Variants in CABCOCO1 observed in about 807,000 individuals in gnomAD.
The protein encoded by CABCOCO1 is ciliary associated calcium binding coiled-coil 1, also known as ciliary-associated calcium-binding coiled-coil protein 1.
A neutral mutation model predicts 35.7 loss-of-function variants in CABCOCO1; 28 were observed. The ratio of observed to expected loss-of-function variants is 0.78; its 90% confidence interval spans 0.58 to 1.07. CABCOCO1 has a LOEUF of 1.07. CABCOCO1 is among the 50% of genes least tolerant of loss of function. CABCOCO1 has a pLI of 0.00. For synonymous variants in CABCOCO1, 95 were observed against 100.1 expected (o/e 0.95, Z 0.30); for missense variants, 326 against 309.2 (o/e 1.05, Z -0.41).
chr10:61,720,343 C>T (rs1011117281), intron 5 of CABCOCO1, among the ~76,000 whole-genome samples: 6 of 151,952 alleles, frequency 3.9e-5, no homozygotes, highest in African/African-American at 1.5e-4. Flanking sequence ...GCAAAAAAAA[C>T]TGTGGAACAT....
intron 5 of CABCOCO1, among the ~76,000 whole-genome samples, chr10:61,747,924 G>A (rs533696921): frequency 6.6e-6 from 1 of 152,178 alleles, no homozygotes; most frequent in Admixed American, 6.6e-5. Context: ...CCCTTCAAAA[G>A]TTTTCCTGGC....
intron 2 of CABCOCO1, 60 bp from the exon 3 acceptor site, chr10:61,681,083 G>A: frequency 1.9e-6 from 2 of 1,079,616 alleles, no homozygotes; most frequent in East Asian, 3.4e-5. Flanking sequence ...CAAAACTTAG[G>A]AAAGAAATGG....
At chr10:61,682,181 T>C (rs551999062) in intron 3 of CABCOCO1, among the ~76,000 whole-genome samples, 6 of 152,294 alleles carry the variant, frequency 3.9e-5, no homozygotes, top group East Asian at 1.9e-4. Context: ...ACTGACTCAG[T>C]AACATTTCTT....
At chr10:61,759,950 C>T (rs1841971611) in intron 5 of CABCOCO1, 109 bp from the exon 6 acceptor site, 1 of 1,378,502 alleles carries the variant, frequency 7.3e-7, no homozygotes, top group South Asian at 1.5e-5. Flanking sequence ...GGAGGTGGCA[C>T]TTGAAAGATA....
intron 5 of CABCOCO1, among the ~76,000 whole-genome samples, chr10:61,747,036 T>C (rs1564554648): frequency 6.6e-6 from 1 of 152,162 alleles, no homozygotes; most frequent in Non-Finnish European, 1.5e-5. Context: ...AGTTCAGATA[T>C]ATAACAGCAA....
intron 5 of CABCOCO1, among the ~76,000 whole-genome samples, chr10:61,714,278 A>T (rs186535347): frequency 1.3e-3 from 193 of 151,884 alleles, no homozygotes; most frequent in Non-Finnish European, 2.2e-3. Flanking sequence ...TTTCTTGTAG[A>T]TTTTCTAGTT....
At chr10:61,719,920 C>CA (rs34712304) in intron 5 of CABCOCO1, among the ~76,000 whole-genome samples, 2,012 of 87,874 alleles carry the variant, frequency 0.023, 68 homozygotes, top group African/African-American at 0.075. Context: ...GACTCCATCT[C>CA]AAAAAAAAAA....
chr10:61,727,505 AT>A (rs1413594020), intron 5 of CABCOCO1, among the ~76,000 whole-genome samples: 1 of 152,114 alleles, frequency 6.6e-6, no homozygotes, highest in Non-Finnish European at 1.5e-5. Context: ...TATACACAGA[AT>A]TTCTCTCCTG....
intron 5 of CABCOCO1, among the ~76,000 whole-genome samples, chr10:61,700,117 C>T (rs1840410555): frequency 6.6e-6 from 1 of 151,956 alleles, no homozygotes; most frequent in African/African-American, 2.4e-5. Flanking sequence ...GTCATGTTTT[C>T]TGTTATAGAG....
chr10:61,766,134 A>G lies in CABCOCO1; in HGVS notation c.*121A>G. ...AGTTGTGAAAGGAAAACCAAGCCCC[A>G]CTTTTTATTTTCCTAAGTAATTAGA... On this transcript the variant is annotated 3_prime_UTR_variant, in exon 8 of 8. Coordinates refer to ENST00000648843, the MANE Select transcript of CABCOCO1 (RefSeq NM_001366906.2). 4 of 887,866 alleles carry G rather than the reference A, an allele frequency of 4.5e-6. No individual in the cohort carries two copies. The Admixed American group carries it at 8.8e-5, about 19-fold the overall frequency. 55.0% of individuals were successfully genotyped at this position (887,866 alleles called of 1,614,324 possible).
intron 4 of CABCOCO1, among the ~76,000 whole-genome samples, chr10:61,687,689 T>C (rs1180370392): frequency 6.6e-6 from 1 of 152,208 alleles, no homozygotes; most frequent in Non-Finnish European, 1.5e-5. Flanking sequence ...TAAGAGGGGC[T>C]GTCCATGTTA....
chr10:61,679,735 C>G (rs1043398841), intron 2 of CABCOCO1, among the ~76,000 whole-genome samples: 5 of 151,894 alleles, frequency 3.3e-5, no homozygotes, highest in African/African-American at 1.2e-4. Flanking sequence ...AGGAGAGGAA[C>G]AGGAAAGAGA....
chr10:61,723,685 G>A (rs1841076673), intron 5 of CABCOCO1, among the ~76,000 whole-genome samples: 1 of 152,148 alleles, frequency 6.6e-6, no homozygotes, highest in African/African-American at 2.4e-5. Flanking sequence ...GGGCATAGAG[G>A]AAGAGCTAGC....
At chr10:61,680,735 AAT>A (rs1233875928) in intron 2 of CABCOCO1, among the ~76,000 whole-genome samples, 2 of 64,796 alleles carry the variant, frequency 3.1e-5, no homozygotes, top group African/African-American at 1.0e-4. Flanking sequence ...TTATATATAT[AAT>A]ATATATATCT....
At chr10:61,703,408 CATAAT>C (rs1399693091) in intron 5 of CABCOCO1, among the ~76,000 whole-genome samples, 2 of 151,954 alleles carry the variant, frequency 1.3e-5, no homozygotes, top group African/African-American at 4.8e-5. Flanking sequence ...GAAAAAAAGA[CATAAT>C]ATAAGCTAAC....
At chr10:61,672,897 AC>A (rs1446404058) in intron 2 of CABCOCO1, among the ~76,000 whole-genome samples, 162 bp downstream of exon 2, 2 of 152,326 alleles carry the variant, frequency 1.3e-5, no homozygotes, top group African/African-American at 4.8e-5. Context: ...CAAGTAACTG[AC>A]TTTTGGCACT....
chr10:61,728,708 GC>G (rs1373077400), intron 5 of CABCOCO1, among the ~76,000 whole-genome samples: 5 of 152,076 alleles, frequency 3.3e-5, no homozygotes, highest in Non-Finnish European at 5.9e-5. Flanking sequence ...GCTTCTGCCA[GC>G]ACAACCAGAA....
At chr10:61,694,046 T>G (rs1206776432) in intron 5 of CABCOCO1, among the ~76,000 whole-genome samples, 1 of 151,898 alleles carries the variant, frequency 6.6e-6, no homozygotes, top group Non-Finnish European at 1.5e-5. Flanking sequence ...ATGATTACTG[T>G]TACTAATTTC....
rs1178164382 is a variant in CABCOCO1 at position 61,703,201 on chromosome 10, T to C, written c.552+12580T>C. Among the ~76,000 whole-genome samples, 4 of 149,748 alleles carry C rather than the reference T, an allele frequency of 2.7e-5. No individual in the cohort carries two copies. The East Asian group carries it at 7.9e-4, about 30-fold the overall frequency. ...TGCATGCCTGGTACATACAGTATCA[T>C]ATAAATGTACAAAGGCTTGTGAGGA... On this transcript the variant is annotated intron_variant, in intron 5 of 7. Transcript: ENST00000648843.
Sources: gnomAD v4.1 joint callset for allele counts (sites outside exome capture counted in the v4.1 genomes callset) on GRCh38, gnomAD v4.1.1 for gene constraint, MANE v1.5 for transcripts, NCBI Gene and HGNC (gene_info 2026-07-23, HGNC 2026-07-21) for gene names.